Variants in TTC39B observed in about 807,000 individuals in gnomAD.
The protein encoded by TTC39B is tetratricopeptide repeat protein 39B.
In TTC39B, 92 loss-of-function variants were observed where a neutral mutation model predicts 96.6. That is an observed-to-expected ratio of 0.95 (90% CI 0.80 to 1.13). The LOEUF (loss-of-function observed/expected upper bound fraction) is 1.13. Ranked by LOEUF, TTC39B falls within the 50% of genes most tolerant of loss-of-function variation. The pLI, the probability that TTC39B is intolerant of heterozygous loss-of-function variation, is 0.00. For missense variants in TTC39B, 955 were observed against 809.3 expected, an observed-to-expected ratio of 1.18 and a Z score of -2.18; for synonymous variants, 367 against 299.4, an observed-to-expected ratio of 1.23 and a Z score of -2.33.
chr9:15,268,677 C>T (rs1415607619), intron 1 of TTC39B, among the ~76,000 whole-genome samples: 1 of 152,162 alleles, frequency 6.6e-6, no homozygotes, highest in Non-Finnish European at 1.5e-5. Context: ...CACCACAACC[C>T]AGCTTAATCT....
chr9:15,175,790 G>C (rs1400133364), intron 18 of TTC39B, among the ~76,000 whole-genome samples: 2 of 152,184 alleles, frequency 1.3e-5, no homozygotes, highest in African/African-American at 4.8e-5. Context: ...ACTGAGTCAA[G>C]GGCTTTGTAT....
chr9:15,204,649 C>T (rs1382911201), intron 6 of TTC39B, among the ~76,000 whole-genome samples: 1 of 152,100 alleles, frequency 6.6e-6, no homozygotes, highest in African/African-American at 2.4e-5. Context: ...TAACCAGACA[C>T]ATTAGCTACC....
exon 20 of TTC39B, chr9:15,169,964 C>T (rs1817597596): frequency 6.6e-6 from 1 of 152,098 alleles, no homozygotes; most frequent in African/African-American, 2.4e-5. Flanking sequence ...TCAGTATACC[C>T]ACAGTCACAA....
chr9:15,174,648 G>C (rs1817833476), intron 19 of TTC39B, among the ~76,000 whole-genome samples: 1 of 152,150 alleles, frequency 6.6e-6, no homozygotes, highest in Non-Finnish European at 1.5e-5. Flanking sequence ...TACCTTCTAT[G>C]ACTTCTTTTG....
chr9:15,199,864 T>C (rs1253705103), exon 8 of TTC39B: 6 of 1,514,034 alleles, frequency 4.0e-6, no homozygotes, highest in East Asian at 2.3e-5. Context: ...AACTTACTTA[T>C]ATATTTGGTA....
intron 16 of TTC39B, chr9:15,183,460 G>C (rs1278373486): frequency 4.0e-6 from 1 of 248,128 alleles, no homozygotes; most frequent in Non-Finnish European, 7.4e-6. Context: ...AAAATTCCTA[G>C]GTACAAAAAA....
chr9:15,254,083 A>G (rs1372306945), intron 2 of TTC39B, among the ~76,000 whole-genome samples: 3 of 151,956 alleles, frequency 2.0e-5, no homozygotes, highest in Non-Finnish European at 4.4e-5. Flanking sequence ...TCCCCTTAAA[A>G]TAGCTTAATG....
intron 1 of TTC39B, among the ~76,000 whole-genome samples, chr9:15,290,205 G>A (rs1824134176): frequency 6.6e-6 from 1 of 152,168 alleles, no homozygotes; most frequent in Admixed American, 6.5e-5. Context: ...ATTGGATTGT[G>A]GTGATGGCTA....
chr9:15,164,917 C>T (rs915481750), exon 20 of TTC39B: 1 of 152,100 alleles, frequency 6.6e-6, no homozygotes, highest in Non-Finnish European at 1.5e-5. Flanking sequence ...TAAATTTAAC[C>T]AACAGCCTAA....
chr9:15,229,753 C>G (rs1484710431), intron 2 of TTC39B, among the ~76,000 whole-genome samples: 1 of 152,210 alleles, frequency 6.6e-6, no homozygotes, highest in Non-Finnish European at 1.5e-5. Context: ...TTGCCTCTCT[C>G]TGCACTAGTC....
chr9:15,198,674 C>A (rs577453507), intron 8 of TTC39B, among the ~76,000 whole-genome samples: 217 of 151,132 alleles, frequency 1.4e-3, no homozygotes, highest in African/African-American at 5.1e-3. Context: ...GTTATTAAAG[C>A]AAAAGAAGAC....
intron 2 of TTC39B, among the ~76,000 whole-genome samples, chr9:15,244,926 A>C (rs1243993711): frequency 6.6e-6 from 1 of 150,906 alleles, no homozygotes; most frequent in Admixed American, 6.6e-5. Flanking sequence ...TATTTGCCTC[A>C]TGATCCATGG....
intron 3 of TTC39B, among the ~76,000 whole-genome samples, chr9:15,215,639 T>C (rs112391207): frequency 0.063 from 9,282 of 147,960 alleles, 323 homozygotes; most frequent in South Asian, 0.072. Context: ...AGGTGGATCA[T>C]TTGAGGTCAG....
intron 1 of TTC39B, among the ~76,000 whole-genome samples, chr9:15,281,401 C>A (rs1823755058): frequency 6.6e-6 from 1 of 152,056 alleles, no homozygotes; most frequent in Admixed American, 6.5e-5. Context: ...ATGATTACTG[C>A]AGGGAAAAGT....
Position 15,233,490 on chromosome 9 carries a change from C to G in TTC39B, c.276-7478G>C, listed in dbSNP as rs921932016. Among the ~76,000 whole-genome samples the G allele has an allele frequency of 5.3e-5, 8 of 150,656 alleles. 1 individual carries two copies. Among genetic ancestry groups the G allele is most frequent in the Non-Finnish European group, 7.4e-5 (5 of 67,360 alleles). On this transcript the variant is annotated intron_variant, in intron 2 of 19. Coordinates refer to ENST00000512701, the Ensembl canonical transcript of TTC39B. Reference sequence around the variant, plus strand: ...CCTGCCTCAGCCTGCCCAGTGCCTGCGATTGCAGGCGCACGCCGCCACGCC... The same window carrying G: ...CCTGCCTCAGCCTGCCCAGTGCCTGGGATTGCAGGCGCACGCCGCCACGCC...
chr9:15,272,002 G>A (rs1014692711), intron 1 of TTC39B, among the ~76,000 whole-genome samples: 2 of 152,180 alleles, frequency 1.3e-5, no homozygotes, highest in Non-Finnish European at 1.5e-5. Flanking sequence ...TGGGGTCCAC[G>A]TGGAGGATGA....
intron 1 of TTC39B, among the ~76,000 whole-genome samples, chr9:15,272,684 G>A (rs891316406): frequency 7.9e-5 from 12 of 152,128 alleles, no homozygotes; most frequent in Non-Finnish European, 4.4e-5. Flanking sequence ...CTCTCTAGTT[G>A]GAGTCAAGCA....
chr9:15,185,294 T>C (rs1818457299), exon 16 of TTC39B: 1 of 1,611,880 alleles, frequency 6.2e-7, no homozygotes, highest in South Asian at 1.1e-5. Flanking sequence ...GCAGGTAAGA[T>C]GAGCTTCACA....
At chr9:15,211,117 G>C in intron 5 of TTC39B, 149 bp downstream of exon 5, 4 of 856,882 alleles carry the variant, frequency 4.7e-6, no homozygotes, top group Non-Finnish European at 6.5e-6. Flanking sequence ...ATGCCAAATG[G>C]GAATCCTTCA....
Sources: gnomAD v4.1 joint callset for allele counts (sites outside exome capture counted in the v4.1 genomes callset) on GRCh38, gnomAD v4.1.1 for gene constraint, MANE v1.5 for transcripts, NCBI Gene and HGNC (gene_info 2026-07-23, HGNC 2026-07-21) for gene names.